Variants in AKAP13 observed in about 807,000 individuals in gnomAD.
The protein encoded by AKAP13 is A-kinase anchoring protein 13, also known as A-kinase anchor protein 13.
In AKAP13, 80 loss-of-function variants were observed where a neutral mutation model predicts 264.5. The observed-to-expected ratio is 0.30, with a 90% CI of 0.25 to 0.36. The LOEUF (loss-of-function observed/expected upper bound fraction) is 0.36, where lower values mean the gene tolerates loss of function less well. Ranked by LOEUF, AKAP13 falls within the 10% of genes least tolerant of loss-of-function variation. The pLI is 1.00. For missense variants in AKAP13, 3,712 were observed against 3,435.2 expected (o/e 1.08, Z -2.01); for synonymous variants, 1,380 against 1,250.2 (o/e 1.10, Z -2.19).
chr15:85,647,036 G>A (rs941555889), intron 10 of AKAP13, among the ~76,000 whole-genome samples: 1 of 152,212 alleles, frequency 6.6e-6, no homozygotes, highest in Admixed American at 6.5e-5. Context: ...TGAGCTCGGA[G>A]AAGTGGTGAG....
At chr15:85,485,617 A>G (rs2075514804) in intron 1 of AKAP13, 93 bp from the exon 2 acceptor site, 1 of 1,056,540 alleles carries the variant, frequency 9.5e-7, no homozygotes, top group Non-Finnish European at 1.5e-6. Context: ...TTGTACTCAC[A>G]GAGCTATGCT....
At chr15:85,606,703 C>CT (rs2080364740) in intron 8 of AKAP13, among the ~76,000 whole-genome samples, 1 of 152,106 alleles carries the variant, frequency 6.6e-6, no homozygotes, top group African/African-American at 2.4e-5. Context: ...TCCGGTTTTG[C>CT]CTAGACTGGG....
chr15:85,713,065 C>T (rs1359575030), intron 19 of AKAP13, among the ~76,000 whole-genome samples: 1 of 152,142 alleles, frequency 6.6e-6, no homozygotes, highest in Non-Finnish European at 1.5e-5. Context: ...CAGATCATAC[C>T]TATAAAGTAC....
At chr15:85,510,049 C>A (rs967054845) in intron 2 of AKAP13, among the ~76,000 whole-genome samples, 1 of 152,244 alleles carries the variant, frequency 6.6e-6, no homozygotes, top group African/African-American at 2.4e-5. Flanking sequence ...TTTGCTCAGG[C>A]AGTCAAGGGC....
chr15:85,642,257 A>T (rs770756467), intron 9 of AKAP13, among the ~76,000 whole-genome samples: 4 of 152,168 alleles, frequency 2.6e-5, no homozygotes, highest in African/African-American at 4.8e-5. Flanking sequence ...GGGAAGTACT[A>T]ATCATCTCTT....
At chr15:85,584,913 A>G (rs1294401621) in intron 7 of AKAP13, among the ~76,000 whole-genome samples, 2 of 152,210 alleles carry the variant, frequency 1.3e-5, no homozygotes. Context: ...TTCAATCATG[A>G]GTCCCGTTTA....
chr15:85,483,632 C>CAAA lies in AKAP13; in HGVS notation c.-11-2061_-11-2059dup, dbSNP rs35648447. Among the ~76,000 whole-genome samples the CAAA allele has an allele frequency of 4.3e-4, 25 of 57,970 alleles. 1 individual carries two copies. Among genetic ancestry groups the CAAA allele is most frequent in the African/African-American group, 1.1e-3 (15 of 13,168 alleles). 38.0% of individuals were successfully genotyped at this position (57,970 alleles called of 152,430 possible). ...TGGGCGACAGAGCGAGACTCCGTCT[C>CAAA]AAAAAAAAAAAAAAAAAAACACCAA... On this transcript the variant is annotated intron_variant, in intron 1 of 36. Transcript: ENST00000394518.
rs1421387238 is a variant in AKAP13 at position 85,613,715 on chromosome 15, A to ATATATATATATATAT, written c.4162-25659_4162-25658insTATATATATATATAT. Among the ~76,000 whole-genome samples, 73 of 77,000 alleles carry ATATATATATATATAT rather than the reference A, an allele frequency of 9.5e-4. 2 individuals carry two copies. Among genetic ancestry groups the ATATATATATATATAT allele is most frequent in the Non-Finnish European group, 1.6e-3 (56 of 34,202 alleles). 50.5% of individuals were successfully genotyped at this position (77,000 alleles called of 152,430 possible). ...AAATATATATATATATATATATATTAGGAGTGCTGATTGATGGACAGATGT... is the reference window on the plus strand; with the variant it reads ...AAATATATATATATATATATATATTATATATATATATATATGGAGTGCTGATTGATGGACAGATGT... On this transcript the variant is annotated intron_variant, in intron 8 of 36. Coordinates refer to ENST00000394518, the MANE Select transcript of AKAP13 (RefSeq NM_007200.5).
rs201799238 is a variant in AKAP13 at position 85,580,433 on chromosome 15, A to G, written c.2365A>G (p.Asn789Asp). 11 of 1,614,120 alleles carry G rather than the reference A, an allele frequency of 6.8e-6. No individual in the cohort carries two copies. In the South Asian group the frequency reaches 8.8e-5, roughly 13 times the overall value. The change falls in exon 7 of 37, where the codon AAC becomes GAC. Residue 789 changes from asparagine to aspartate, a missense_variant. By Grantham distance (23) the Asn-to-Asp change is conservative. Coordinates refer to ENST00000394518, the MANE Select transcript of AKAP13 (RefSeq NM_007200.5). ...ATCAGACAGTACTTTCTCTCTGGCA[A>G]ACAGTCCAGGCAGTGAATCAGTAAC... is the stretch of plus-strand genomic sequence containing the variant. ...VISDSTFSLA[N>D]SPGSESVTKD...
Position 85,604,715 on chromosome 15 carries a change from C to T in AKAP13, c.4161+18892C>T, listed in dbSNP as rs544645402. 4.0e-4 allele frequency among the ~76,000 whole-genome samples: 61 copies of T among 152,202 alleles called. No homozygotes were observed. The East Asian group carries it at 0.011, about 27-fold the overall frequency. ...CTGACCTCAGGTGATCCACCCACCTCGGCCTCCCAAAATGCTGGGATTACA... is the reference window on the plus strand; with the variant it reads ...CTGACCTCAGGTGATCCACCCACCTTGGCCTCCCAAAATGCTGGGATTACA... On this transcript the variant is annotated intron_variant, in intron 8 of 36. Coordinates refer to ENST00000394518, the MANE Select transcript of AKAP13 (RefSeq NM_007200.5).
intron 5 of AKAP13, among the ~76,000 whole-genome samples, chr15:85,554,938 TAGAC>T (rs1388299580): frequency 6.6e-6 from 1 of 152,212 alleles, no homozygotes; most frequent in South Asian, 2.1e-4. Flanking sequence ...AAATTACTCA[TAGAC>T]AGTAGTTGCT....
chr15:85,679,856 A>C (rs1488724350), intron 14 of AKAP13, among the ~76,000 whole-genome samples: 1 of 152,258 alleles, frequency 6.6e-6, no homozygotes, highest in African/African-American at 2.4e-5. Context: ...TCATGGAAGT[A>C]GCATTGGTTG....
chr15:85,663,194 C>T (rs912133755), intron 12 of AKAP13, among the ~76,000 whole-genome samples: 4 of 151,988 alleles, frequency 2.6e-5, no homozygotes, highest in African/African-American at 9.7e-5. Context: ...CCTGTAATCC[C>T]AGCTACCTGG....
In AKAP13 at chr15:85,692,494, G is replaced by A. The variant is rs200018282; in HGVS notation, c.5290-783G>A. ...CTGAGTAGTAGTAGTGGTGGTGGTG[G>A]TGATGGTGGTGGTGGTGGTGGTGGC... On this transcript the variant is annotated intron_variant, in intron 16 of 36. Transcript: ENST00000394518. Among the ~76,000 whole-genome samples the A allele has an allele frequency of 6.3e-5, 9 of 142,894 alleles. No homozygotes were observed. The East Asian group carries it at 1.7e-3, about 28-fold the overall frequency. The allele number at this position is 142,894 out of a possible 152,430, so 93.7% of individuals were successfully genotyped here. A position where few individuals can be genotyped will look rare whatever the true frequency, so the allele number is the denominator to read the frequency against.
At chr15:85,551,210 G>A (rs1326607984) in intron 5 of AKAP13, among the ~76,000 whole-genome samples, 3 of 152,080 alleles carry the variant, frequency 2.0e-5, no homozygotes, top group Non-Finnish European at 4.4e-5. Context: ...TAAGCATTTT[G>A]ACATTTTGTA....
intron 1 of AKAP13, among the ~76,000 whole-genome samples, chr15:85,450,328 C>CT (rs2074040761): frequency 6.6e-6 from 1 of 150,828 alleles, no homozygotes; most frequent in Non-Finnish European, 1.5e-5. Context: ...ATTAGTTTAG[C>CT]GATCTTTTGA....
intron 14 of AKAP13, among the ~76,000 whole-genome samples, chr15:85,670,277 G>T (rs1057199135): frequency 6.6e-6 from 1 of 151,844 alleles, no homozygotes; most frequent in Admixed American, 6.6e-5. Flanking sequence ...TGAAACACTT[G>T]AGAGAATAAG....
At chr15:85,596,093 A>G (rs772365224) in intron 8 of AKAP13, among the ~76,000 whole-genome samples, 5 of 152,208 alleles carry the variant, frequency 3.3e-5, no homozygotes, top group African/African-American at 4.8e-5. Flanking sequence ...TCTTAAGTGT[A>G]CATATGAAGT....
chr15:85,737,932 C>A (rs1026304770), intron 33 of AKAP13, among the ~76,000 whole-genome samples: 2 of 152,064 alleles, frequency 1.3e-5, no homozygotes, highest in Non-Finnish European at 2.9e-5. Context: ...AGTCACTGCT[C>A]CTGGCCTTGA....
Sources: allele counts gnomAD v4.1 joint callset (sites outside exome capture counted in the v4.1 genomes callset), GRCh38; gene constraint gnomAD v4.1.1; transcripts MANE v1.5; gene names NCBI Gene and HGNC (gene_info 2026-07-23, HGNC 2026-07-21).